Variants in CSMD1 observed in about 807,000 individuals in gnomAD.
CSMD1 encodes CUB and Sushi multiple domains 1, also known as CUB and sushi domain-containing protein 1.
CSMD1 carries 213 observed loss-of-function variants against 417.5 expected under a neutral mutation model. The ratio of observed to expected loss-of-function variants is 0.51; its 90% confidence interval spans 0.46 to 0.57. The LOEUF is 0.57. Among genes scored for constraint, CSMD1 ranks in the 20% least tolerant of loss-of-function variants. CSMD1 has a pLI of 0.00. For synonymous variants in CSMD1, 2,862 were observed against 1,736.8 expected (o/e 1.65, Z -16.11); for missense variants, 6,923 against 4,529.7 (o/e 1.53, Z -15.17).
At chr8:3,804,687 T>C (rs981392747) in intron 5 of CSMD1, among the ~76,000 whole-genome samples, 2 of 152,244 alleles carry the variant, frequency 1.3e-5, no homozygotes, top group South Asian at 4.1e-4. Flanking sequence ...GAAATGTGAG[T>C]AGGAAGAAAA....
At chr8:4,534,809 C>A (rs1390574486) in intron 2 of CSMD1, among the ~76,000 whole-genome samples, 2 of 152,144 alleles carry the variant, frequency 1.3e-5, no homozygotes, top group Non-Finnish European at 2.9e-5. Flanking sequence ...GTTGCCCAGG[C>A]TGGAGTGCAG....
At chr8:4,562,431 A>T (rs577343498) in intron 2 of CSMD1, among the ~76,000 whole-genome samples, 6 of 152,204 alleles carry the variant, frequency 3.9e-5, no homozygotes, top group Non-Finnish European at 8.8e-5. Context: ...TAATCAGAAG[A>T]AGTTGAAGTT....
chr8:4,007,060 G>C (rs1057178509), intron 4 of CSMD1, among the ~76,000 whole-genome samples: 3 of 151,956 alleles, frequency 2.0e-5, no homozygotes, highest in African/African-American at 7.2e-5. Context: ...GGATGGTCTC[G>C]ATCTCCTCAC....
intron 10 of CSMD1, among the ~76,000 whole-genome samples, chr8:3,552,608 G>C (rs1369758032): frequency 6.6e-6 from 1 of 152,168 alleles, no homozygotes. Context: ...AAGGAATTAA[G>C]AGGACTCAAG....
chr8:3,755,508 T>C (rs1797608647), intron 5 of CSMD1, among the ~76,000 whole-genome samples: 1 of 152,146 alleles, frequency 6.6e-6, no homozygotes, highest in Non-Finnish European at 1.5e-5. Flanking sequence ...AGCAGGAACT[T>C]GAACTGTGGT....
chr8:4,068,296 G>A (rs914623234), intron 3 of CSMD1, among the ~76,000 whole-genome samples: 5 of 152,156 alleles, frequency 3.3e-5, no homozygotes, highest in African/African-American at 1.2e-4. Context: ...TGTAGCTGGA[G>A]GACAGTGTAT....
At chr8:4,472,149 A>C (rs1000935461) in intron 2 of CSMD1, among the ~76,000 whole-genome samples, 2 of 152,196 alleles carry the variant, frequency 1.3e-5, no homozygotes, top group Non-Finnish European at 2.9e-5. Flanking sequence ...CTTGATTGTC[A>C]TACTTTTTAA....
intron 10 of CSMD1, among the ~76,000 whole-genome samples, chr8:3,555,753 G>C (rs1273954600): frequency 6.6e-6 from 1 of 152,054 alleles, no homozygotes; most frequent in East Asian, 1.9e-4. Flanking sequence ...ATTTCATTCT[G>C]TATCTCTAAT....
intron 26 of CSMD1, among the ~76,000 whole-genome samples, chr8:3,257,398 T>G (rs1800735021): frequency 1.3e-5 from 2 of 152,280 alleles, no homozygotes; most frequent in South Asian, 4.1e-4. Context: ...ATCAACAAAT[T>G]AGGATCTCTT....
chr8:4,862,880 G>C (rs186232272), intron 1 of CSMD1, among the ~76,000 whole-genome samples: 2 of 152,056 alleles, frequency 1.3e-5, no homozygotes, highest in African/African-American at 4.8e-5. Flanking sequence ...TCAGGAACAT[G>C]AGGAAGGACT....
intron 12 of CSMD1, among the ~76,000 whole-genome samples, chr8:3,447,931 G>C (rs1815404064): frequency 6.6e-6 from 1 of 152,100 alleles, no homozygotes; most frequent in African/African-American, 2.4e-5. Context: ...TATTTTCTCT[G>C]TCATTTACAG....
chr8:3,293,205 T>G (rs1261879468), intron 25 of CSMD1, among the ~76,000 whole-genome samples: 1 of 152,236 alleles, frequency 6.6e-6, no homozygotes, highest in African/African-American at 2.4e-5. Flanking sequence ...GCTGTTGGTC[T>G]GATGGGCTTC....
intron 2 of CSMD1, among the ~76,000 whole-genome samples, chr8:4,508,160 ATT>A (rs71207096): frequency 9.1e-6 from 1 of 110,422 alleles, no homozygotes; most frequent in Non-Finnish European, 1.8e-5. Flanking sequence ...AAGAGGTAAT[ATT>A]TTTTTTTTTT....
At chr8:4,230,995 G>C (rs1169793640) in intron 3 of CSMD1, among the ~76,000 whole-genome samples, 3 of 151,996 alleles carry the variant, frequency 2.0e-5, no homozygotes, top group South Asian at 2.1e-4. Flanking sequence ...CTAGTATTTT[G>C]TTTCATCACA....
chr8:2,959,352 G>A (rs1476265311), intron 62 of CSMD1, among the ~76,000 whole-genome samples: 1 of 152,140 alleles, frequency 6.6e-6, no homozygotes, highest in African/African-American at 2.4e-5. Context: ...TTCTGCCTGG[G>A]CCTCCCAAAG....
intron 5 of CSMD1, among the ~76,000 whole-genome samples, chr8:3,910,215 C>A (rs1584949680): frequency 1.3e-5 from 2 of 152,194 alleles, no homozygotes; most frequent in East Asian, 1.9e-4. Context: ...AATGTTCATG[C>A]AGTTCAGTGA....
At chr8:3,438,777 A>G (rs890911794) in intron 12 of CSMD1, among the ~76,000 whole-genome samples, 3 of 152,104 alleles carry the variant, frequency 2.0e-5, no homozygotes, top group African/African-American at 7.2e-5. Flanking sequence ...AAATGATTGG[A>G]AGTGCAATTG....
At chr8:3,238,219 C>T (rs1379885975) in intron 26 of CSMD1, among the ~76,000 whole-genome samples, 1 of 151,744 alleles carries the variant, frequency 6.6e-6, no homozygotes, top group Non-Finnish European at 1.5e-5. Context: ...AGCAGGGGAG[C>T]TTTTGAGCCA....
At chr8:3,373,311 G>A (rs7825364) in intron 18 of CSMD1, 46,977 of 151,988 alleles carry the variant, frequency 0.31, 8,141 homozygotes, top group African/African-American at 0.49. Flanking sequence ...CACAGAACCC[G>A]GAAATCACTG....
Sources: gnomAD v4.1 joint callset for allele counts (sites outside exome capture counted in the v4.1 genomes callset) on GRCh38, gnomAD v4.1.1 for gene constraint, MANE v1.5 for transcripts, NCBI Gene and HGNC (gene_info 2026-07-23, HGNC 2026-07-21) for gene names.